DLGAP1: variants seen among roughly 807,000 people sequenced by gnomAD.
DLGAP1 encodes DLG associated protein 1.
Under a neutral mutation model 90.8 loss-of-function variants are expected in DLGAP1, and 11 were observed. That is an observed-to-expected ratio of 0.12 (90% CI 0.08 to 0.20). DLGAP1 has a LOEUF of 0.20. Among genes scored for constraint, DLGAP1 ranks in the 10% least tolerant of loss-of-function variants. The pLI is 1.00. For missense variants in DLGAP1, 1,050 were observed against 1,333.8 expected (o/e 0.79, Z 3.31); for synonymous variants, 558 against 540.7 (o/e 1.03, Z -0.44).
intron 2 of DLGAP1, among the ~76,000 whole-genome samples, chr18:4,058,264 A>G (rs2075250531): frequency 6.6e-6 from 1 of 152,232 alleles, no homozygotes; most frequent in South Asian, 2.1e-4. Context: ...TTTCACATGT[A>G]AAGACACACT....
At chr18:4,416,579 C>A (rs537835981) in intron 1 of DLGAP1, among the ~76,000 whole-genome samples, 1 of 152,302 alleles carries the variant, frequency 6.6e-6, no homozygotes, top group African/African-American at 2.4e-5. Context: ...TGTGTATATA[C>A]AAACCTCTAG....
chr18:3,971,072 G>A (rs1170737194), intron 3 of DLGAP1, among the ~76,000 whole-genome samples: 1 of 152,102 alleles, frequency 6.6e-6, no homozygotes, highest in Non-Finnish European at 1.5e-5. Flanking sequence ...TCTATTCCAG[G>A]TTATTGCAAC....
intron 3 of DLGAP1, among the ~76,000 whole-genome samples, chr18:3,882,054 G>C (rs1358949155): frequency 6.6e-6 from 1 of 152,106 alleles, no homozygotes; most frequent in African/African-American, 2.4e-5. Context: ...AATCCCCCCA[G>C]GTTACTCAGA....
At chr18:4,340,372 C>T (rs1383833882) in intron 1 of DLGAP1, among the ~76,000 whole-genome samples, 1 of 152,040 alleles carries the variant, frequency 6.6e-6, no homozygotes, top group Non-Finnish European at 1.5e-5. Flanking sequence ...TTACTCAAAA[C>T]GGCATGCAAT....
intron 7 of DLGAP1, among the ~76,000 whole-genome samples, chr18:3,706,669 C>T (rs60204144): frequency 0.019 from 2,953 of 152,144 alleles, 94 homozygotes; most frequent in East Asian, 0.14. Context: ...CTCTGAGTGA[C>T]GTCAGTGATG....
intron 4 of DLGAP1, among the ~76,000 whole-genome samples, chr18:3,836,101 T>C (rs1395994379): frequency 6.6e-6 from 1 of 152,214 alleles, no homozygotes; most frequent in African/African-American, 2.4e-5. Context: ...TAAGTTAAGC[T>C]GAAAATATAC....
intron 4 of DLGAP1, among the ~76,000 whole-genome samples, chr18:3,842,298 C>T (rs561695841): frequency 1.3e-5 from 2 of 152,132 alleles, no homozygotes; most frequent in South Asian, 4.2e-4. Flanking sequence ...GGAAAAAGGT[C>T]CCCAGCTACA....
intron 7 of DLGAP1, among the ~76,000 whole-genome samples, chr18:3,701,950 A>C (rs550442472): frequency 6.6e-6 from 1 of 152,310 alleles, no homozygotes; most frequent in African/African-American, 2.4e-5. Context: ...TAAGATTTCA[A>C]ATGTGTGCCA....
chr18:3,719,393 C>G (rs975751187), intron 7 of DLGAP1, among the ~76,000 whole-genome samples: 2 of 151,018 alleles, frequency 1.3e-5, no homozygotes, highest in Non-Finnish European at 2.9e-5. Flanking sequence ...CCTGTCTCTA[C>G]TAAAAATACA....
chr18:4,243,662 T>C (rs1255472910), intron 1 of DLGAP1, among the ~76,000 whole-genome samples: 2 of 152,208 alleles, frequency 1.3e-5, no homozygotes, highest in Non-Finnish European at 2.9e-5. Flanking sequence ...TGTCCCATGA[T>C]GTTTCTTTCT....
At chr18:4,208,967 G>A (rs921337478) in intron 1 of DLGAP1, among the ~76,000 whole-genome samples, 1 of 152,202 alleles carries the variant, frequency 6.6e-6, no homozygotes, top group African/African-American at 2.4e-5. Context: ...CACAACCACT[G>A]TCAGTGGCAA....
intron 1 of DLGAP1, among the ~76,000 whole-genome samples, chr18:4,240,886 A>G (rs16946303): frequency 0.033 from 4,972 of 152,282 alleles, 196 homozygotes; most frequent in Admixed American, 0.08. Context: ...AACTTACACA[A>G]TTTCATTTTG....
intron 4 of DLGAP1, among the ~76,000 whole-genome samples, chr18:3,835,661 A>G (rs961041509): frequency 2.6e-5 from 4 of 151,906 alleles, no homozygotes; most frequent in Non-Finnish European, 2.9e-5. Context: ...AAAAAAAAAA[A>G]AAAGAAAATA....
At chr18:3,880,258 C>G in intron 3 of DLGAP1, 118 bp from the exon 4 acceptor site, 1 of 613,960 alleles carries the variant, frequency 1.6e-6, no homozygotes. Flanking sequence ...ATCTCTGCTT[C>G]CTGCAGCCTC....
At chr18:4,181,934 T>C (rs947104173) in intron 1 of DLGAP1, among the ~76,000 whole-genome samples, 8 of 152,180 alleles carry the variant, frequency 5.3e-5, no homozygotes, top group Non-Finnish European at 2.9e-5. Flanking sequence ...TATTCCAATC[T>C]GTAGCACTAA....
At chr18:3,580,902 A>G (rs2055465118) in intron 8 of DLGAP1, 1 of 797,080 alleles carries the variant, frequency 1.3e-6, no homozygotes, top group Non-Finnish European at 2.0e-6. Context: ...CTGAGCTGCC[A>G]GTGCTGGGTA....
intron 7 of DLGAP1, among the ~76,000 whole-genome samples, chr18:3,671,953 T>G (rs946812583): frequency 1.3e-5 from 2 of 152,032 alleles, no homozygotes; most frequent in Non-Finnish European, 2.9e-5. Context: ...GCCAACAGAG[T>G]CCTGCATAAT....
intron 2 of DLGAP1, among the ~76,000 whole-genome samples, chr18:4,149,265 T>C (rs560916710): frequency 6.6e-6 from 1 of 152,322 alleles, no homozygotes; most frequent in East Asian, 1.9e-4. Flanking sequence ...GCTGACACTA[T>C]GCCATCTACT....
intron 1 of DLGAP1, among the ~76,000 whole-genome samples, chr18:4,164,372 A>G (rs1194496313): frequency 6.6e-6 from 1 of 152,136 alleles, no homozygotes; most frequent in African/African-American, 2.4e-5. Context: ...CTATCATAAG[A>G]CTGTTTAAAC....
Sources: allele counts gnomAD v4.1 joint callset (sites outside exome capture counted in the v4.1 genomes callset), GRCh38; gene constraint gnomAD v4.1.1; transcripts MANE v1.5; gene names NCBI Gene and HGNC (gene_info 2026-07-23, HGNC 2026-07-21).